DIDO1: variants seen among roughly 807,000 people sequenced by gnomAD.
DIDO1 encodes death inducer-obliterator 1.
Under a neutral mutation model 99.4 loss-of-function variants are expected in DIDO1, and 16 were observed. The ratio of observed to expected loss-of-function variants is 0.16; its 90% CI spans 0.11 to 0.24. The LOEUF is 0.24. DIDO1 is among the 10% of genes least tolerant of loss of function. The probability of loss-of-function intolerance (pLI) is 1.00; values close to 1 mark genes in which losing one functional copy is unlikely to be tolerated. For synonymous variants in DIDO1, 1,366 were observed against 1,239.1 expected (o/e 1.10, Z -2.15); for missense variants, 2,996 against 3,014.0 (o/e 0.99, Z 0.14).
In DIDO1 at chr20:62,894,006, G is replaced by A. The variant is rs2064458887; in HGVS notation, c.2761C>T (p.His921Tyr). The change falls in exon 12 of 16, where the codon CAT (histidine) becomes TAT (tyrosine). Residue 921 changes from histidine (H) to tyrosine (Y), a missense_variant. His to Tyr is a moderately conservative substitution (Grantham distance 83). Around this residue, in one of 5 missense-constraint regions of DIDO1, gnomAD observed 898 missense variants for 972.7 expected, o/e 0.92. Transcript: ENST00000395343. The surrounding 1 kb of genome is among the most constrained non-coding windows in gnomAD (Gnocchi z 4.4). The stretch of plus-strand genomic sequence containing the variant: ...AAATACGTTCTGTCCACATTTGGAT[G>A]AGAAGCACTTTCTAGGCCTGGCTCA... ...ASEPGLESAS[H>Y]PNVDRTYFPG... The A allele has an allele frequency of 6.2e-7, 1 of 1,614,086 alleles. No homozygotes were observed. The highest frequency in any genetic ancestry group is 1.3e-5 in the African/African-American group (1 of 74,944).
rs188527634 is a variant in DIDO1, at chr20:62,933,658, G to A, written c.-200+4138C>T. ...GCTGAGGCAGGAAGACTGCTTGCAC[G>A]CAGAAGTTTGAGAACAGCCTGGGCA... On this transcript the variant is annotated intron_variant, in intron 1 of 15. Transcript: ENST00000266070. Among the ~76,000 whole-genome samples the A allele has an allele frequency of 2.0e-5, 3 of 152,198 alleles. 1 individual carries two copies. Among genetic ancestry groups the A allele is most frequent in the South Asian group, 2.1e-4 (1 of 4,828 alleles).
chr20:62,900,478 C>CA (rs2064644412), intron 6 of DIDO1, among the ~76,000 whole-genome samples: 1 of 152,216 alleles, frequency 6.6e-6, no homozygotes. Flanking sequence ...ATCAGGCCCC[C>CA]ACTGGAGGAT....
chr20:62,925,527 A>C (rs1373020910), intron 1 of DIDO1, among the ~76,000 whole-genome samples: 1 of 152,346 alleles, frequency 6.6e-6, no homozygotes, highest in East Asian at 1.9e-4. Context: ...TGACACGGAT[A>C]TCGAAGGCCC....
Position 62,882,158 on chromosome 20 carries a change from A to T in DIDO1, c.3798T>A (p.Pro1266=), listed in dbSNP as rs534602619. The T allele has an allele frequency of 2.0e-5, 32 of 1,613,012 alleles. No homozygotes were observed. The Admixed American group carries it at 5.2e-4, about 26-fold the overall frequency. Residue 1266 remains proline, a synonymous_variant, in exon 16 of 16, where the codon CCT becomes CCA. Transcript: ENST00000395343. The part of the protein sequence containing the change: ...TPPGSPPPPP[P]LPEPPVLKVL... ...CTTTTAGCACCGGTGGTTCTGGAAG[A>T]GGGGGCGGAGGCGGCGGCGACCCAG...
rs773924861 is a variant in DIDO1 at position 62,881,830 on chromosome 20, G to C, written c.4126C>G (p.Leu1376Val). ...QFGQFSKDKALEEEEDDRPYD... is the reference protein window; with the variant it reads ...QFGQFSKDKAVEEEEDDRPYD... The stretch of plus-strand genomic sequence containing the variant: ...GGCCTGTCGTCCTCCTCTTCCTCTA[G>C]AGCCTTATCTTTTGAGAACTGACCG... Residue 1376 changes from leucine (L) to valine (V), a missense_variant, in exon 16 of 16, where the codon CTA (leucine) becomes GTA (valine). Physicochemically the swap from Leu to Val is conservative, Grantham distance 32. This residue lies in a region of DIDO1 where 1,562 missense variants were observed against 1,412.6 expected (regional missense o/e 1.11). Transcript: ENST00000395343. The surrounding 1 kb of genome is among the most constrained non-coding windows in gnomAD (Gnocchi z 8.3). 1 of 1,613,536 alleles carries C rather than the reference G, an allele frequency of 6.2e-7. No individual in the cohort carries two copies. Among genetic ancestry groups the C allele is most frequent in the South Asian group, 1.1e-5 (1 of 91,080 alleles).
intron 5 of DIDO1, 51 bp downstream of exon 5, chr20:62,907,096 C>T: frequency 3.8e-6 from 6 of 1,591,866 alleles, no homozygotes; most frequent in Non-Finnish European, 5.2e-6. Flanking sequence ...GCGACAAACG[C>T]TCTCACGCCT....
Position 62,906,221 on chromosome 20 carries a change from C to G in DIDO1, c.1375-121G>C. The G allele has an allele frequency of 2.3e-6, 3 of 1,304,418 alleles. No homozygotes were observed. The South Asian group carries it at 4.4e-5, about 19-fold the overall frequency. 80.8% of individuals were successfully genotyped at this position (1,304,418 alleles called of 1,614,324 possible). On this transcript the variant is annotated intron_variant, in intron 5 of 15. Coordinates refer to ENST00000395343, the MANE Select transcript of DIDO1 (RefSeq NM_001193369.2). ...CCTGAGGCCATCTGAAGACCCTGCA[C>G]CCATCCTGCGCCTGCTTGGCAGCAG...
In DIDO1 at chr20:62,880,984, C is replaced by T. The variant is rs1311571855; in HGVS notation, c.4972G>A (p.Val1658Met). 1 of 1,605,862 alleles carries T rather than the reference C, an allele frequency of 6.2e-7. No homozygotes were observed. The highest frequency in any genetic ancestry group is 2.2e-5 in the East Asian group (1 of 44,820). ...GDSSARPARR[V>M]LLPTPPCGAL... ...CCGCAAGGCGGTGTGGGCAGCAGCA[C>T]CCTCCGGGCAGGCCTGGCCGAGCTG... The change falls in exon 16 of 16, where the codon GTG becomes ATG. Residue 1658 changes from valine to methionine, a missense_variant. Physicochemically the swap from Val to Met is conservative, Grantham distance 21 (BLOSUM62 1). Transcript: ENST00000395343.
intron 6 of DIDO1, among the ~76,000 whole-genome samples, chr20:62,904,570 CAGG>C (rs1344011451): frequency 2.6e-5 from 4 of 151,974 alleles, no homozygotes; most frequent in Admixed American, 6.6e-5. Context: ...CACATGAGGC[CAGG>C]AGTTCAAGAC....
chr20:62,926,256 TCGCCCGCC>T (rs3069125), intron 1 of DIDO1, among the ~76,000 whole-genome samples, 175 bp downstream of exon 1: 28 of 149,756 alleles, frequency 1.9e-4, no homozygotes, highest in South Asian at 1.7e-3. Context: ...CCCCGCCCGC[TCGCCCGCC>T]CGCCCGCCCG....
Position 62,879,633 on chromosome 20 carries a change from C to T in DIDO1, c.6323G>A (p.Arg2108Gln). Residue 2108 changes from arginine to glutamine, a missense_variant, in exon 16 of 16, where the codon CGG becomes CAG. Physicochemically the swap from Arg to Gln is conservative, Grantham distance 43. This residue lies in a region of DIDO1 where 1,562 missense variants were observed against 1,412.6 expected (regional missense o/e 1.11). Coordinates refer to ENST00000395343, the MANE Select transcript of DIDO1 (RefSeq NM_001193369.2). The surrounding 1 kb of genome is among the most constrained non-coding windows in gnomAD (Gnocchi z 6.3). ...CTCTCTCCTCCTGTCCTCGGACGCCCGGCCCTGGGCGTCGGGCTCCTCCAG... is the reference window on the plus strand; with the variant it reads ...CTCTCTCCTCCTGTCCTCGGACGCCTGGCCCTGGGCGTCGGGCTCCTCCAG... ...KPLEEPDAQG[R>Q]ASEDRRRERE... 6.2e-7 allele frequency: 1 copy of T among 1,606,210 alleles called. No individual in the cohort carries two copies. The highest frequency in any genetic ancestry group is 1.3e-5 in the African/African-American group (1 of 75,040).
chr20:62,923,017 G>A (rs2065185629), intron 1 of DIDO1, among the ~76,000 whole-genome samples: 1 of 152,020 alleles, frequency 6.6e-6, no homozygotes, highest in Non-Finnish European at 1.5e-5. Flanking sequence ...TGGGGGTGGG[G>A]GGTGGACAGA....
At chr20:62,889,071 G>A in intron 15 of DIDO1, 1 of 985,506 alleles carries the variant, frequency 1.0e-6, no homozygotes, top group Non-Finnish European at 1.2e-6. Flanking sequence ...AAGTGCCTTG[G>A]TGGGCGAGTG....
rs956353438 is a variant in DIDO1 at position 62,900,608 on chromosome 20, G to T, written c.1589-3612C>A. On this transcript the variant is annotated intron_variant, in intron 6 of 15. Transcript: ENST00000395343. The stretch of plus-strand genomic sequence containing the variant: ...CTGCTCAGTTCTGGACTGTCCAGAG[G>T]CCCCCATGTAGCAACCTTATGTGCT... Among the ~76,000 whole-genome samples, 12 of 152,336 alleles carry T rather than the reference G, an allele frequency of 7.9e-5. 1 individual carries two copies. Among genetic ancestry groups the T allele is most frequent in the Admixed American group, 6.5e-4 (10 of 15,300 alleles).
chr20:62,914,182 G>C (rs2064998450), intron 2 of DIDO1, 28 bp downstream of exon 2: 1 of 152,128 alleles, frequency 6.6e-6, no homozygotes, highest in African/African-American at 2.4e-5. Context: ...TTAAAATTTT[G>C]TTGCTACTAA....
chr20:62,900,995 G>C (rs1017294749), intron 6 of DIDO1, among the ~76,000 whole-genome samples: 6 of 152,210 alleles, frequency 3.9e-5, no homozygotes, highest in Admixed American at 3.3e-4. Context: ...TTCACTCCAA[G>C]ATTGCCCCTA....
intron 1 of DIDO1, among the ~76,000 whole-genome samples, chr20:62,936,508 TCA>T (rs1568898316): frequency 6.7e-6 from 1 of 149,408 alleles, no homozygotes; most frequent in African/African-American, 2.5e-5. Context: ...TGAGTCGAGA[TCA>T]TGACAGTGCA....
At chr20:62,890,140 C>T in intron 15 of DIDO1, 1 of 985,944 alleles carries the variant, frequency 1.0e-6, no homozygotes. Flanking sequence ...CCAGACAGCA[C>T]CTGCCTTTAT....
Position 62,880,170 on chromosome 20 carries a change from G to A in DIDO1, c.5786C>T (p.Pro1929Leu), listed in dbSNP as rs867325251. ...PPGHFVGPRGPHPSQFETARG... is the reference protein window; with the variant it reads ...PPGHFVGPRGLHPSQFETARG... ...GGCAGTTTCAAACTGACTAGGATGG[G>A]GCCCTCTTGGGCCCACGAAATGACC... The change falls in exon 16 of 16, where the codon CCC becomes CTC. Residue 1929 changes from proline to leucine, a missense_variant. By Grantham distance (98) the Pro-to-Leu change is moderately conservative. Coordinates refer to ENST00000395343, the MANE Select transcript of DIDO1 (RefSeq NM_001193369.2). 1.9e-6 allele frequency: 3 copies of A among 1,612,190 alleles called. No homozygotes were observed. The highest frequency in any genetic ancestry group is 1.6e-4 in the Middle Eastern group (1 of 6,078).
Sources: allele counts gnomAD v4.1 joint callset (sites outside exome capture counted in the v4.1 genomes callset), GRCh38; gene constraint gnomAD v4.1.1; regional missense constraint gnomAD v4.1.1; non-coding constraint Gnocchi (gnomAD v3.1); transcripts MANE v1.5; gene names NCBI Gene and HGNC (gene_info 2026-07-23, HGNC 2026-07-21).